The following CDH12 variants were observed in gnomAD, a reference collection of about 807,000 sequenced individuals.
CDH12 encodes the protein cadherin 12, also known as cadherin-12.
In CDH12, 41 loss-of-function variants were observed where a neutral mutation model predicts 74.1. The observed-to-expected ratio is 0.55, with a 90% CI of 0.43 to 0.72. CDH12 has a LOEUF of 0.72. Among genes scored for constraint, CDH12 ranks in the 30% least tolerant of loss-of-function variants. The pLI, the probability that CDH12 is intolerant of heterozygous loss-of-function variation, is 0.00. For missense variants in CDH12, 945 were observed against 977.2 expected (o/e 0.97, Z 0.44); for synonymous variants, 399 against 355.0 (o/e 1.12, Z -1.39).
intron 2 of CDH12, among the ~76,000 whole-genome samples, chr5:22,409,782 C>T (rs1338387793): frequency 6.6e-6 from 1 of 151,986 alleles, no homozygotes; most frequent in Non-Finnish European, 1.5e-5. Flanking sequence ...AGGCTAAAGC[C>T]TTCTTACCAC....
chr5:22,073,655 CT>C (rs1418064884), intron 5 of CDH12, among the ~76,000 whole-genome samples: 10 of 152,152 alleles, frequency 6.6e-5, no homozygotes, highest in Non-Finnish European at 1.3e-4. Context: ...AAAGCTTTAC[CT>C]CTGTATACCC....
chr5:22,649,325 G>A (rs1018579027), intron 1 of CDH12, among the ~76,000 whole-genome samples: 1 of 151,974 alleles, frequency 6.6e-6, no homozygotes, highest in Admixed American at 6.6e-5. Flanking sequence ...TGAAAACTTA[G>A]GTGACTTGCC....
At chr5:22,820,508 AAGAG>A (rs149541681) in intron 1 of CDH12, among the ~76,000 whole-genome samples, 1 of 152,172 alleles carries the variant, frequency 6.6e-6, no homozygotes, top group Non-Finnish European at 1.5e-5. Flanking sequence ...TAAAGAAGAA[AAGAG>A]AGAGAATCAA....
intron 6 of CDH12, among the ~76,000 whole-genome samples, chr5:21,913,176 ATGGATTCT>A (rs1753939630): frequency 1.3e-5 from 2 of 152,154 alleles, no homozygotes; most frequent in Non-Finnish European, 2.9e-5. Flanking sequence ...CTTAGGGAAG[ATGGATTCT>A]AGTTTCTATG....
intron 1 of CDH12, among the ~76,000 whole-genome samples, chr5:22,780,762 G>T (rs541115419): frequency 6.6e-6 from 1 of 152,118 alleles, no homozygotes; most frequent in Non-Finnish European, 1.5e-5. Flanking sequence ...GTGACAGAAT[G>T]AGACCCTGTT....
intron 4 of CDH12, among the ~76,000 whole-genome samples, chr5:22,110,466 TG>T (rs1219318019): frequency 6.9e-6 from 1 of 144,126 alleles, no homozygotes; most frequent in South Asian, 2.3e-4. Flanking sequence ...AAAGGTAATT[TG>T]GGGGAAGGGG....
At chr5:21,873,135 G>A (rs974722869) in intron 6 of CDH12, among the ~76,000 whole-genome samples, 5 of 151,956 alleles carry the variant, frequency 3.3e-5, no homozygotes, top group African/African-American at 1.2e-4. Flanking sequence ...TAATTTTAGT[G>A]GACAGTGTGG....
rs372922336 is a variant in CDH12 at position 22,668,764 on chromosome 5, G to T, written c.-522-163400C>A. Among the ~76,000 whole-genome samples, 116 of 152,266 alleles carry T rather than the reference G, an allele frequency of 7.6e-4. 3 individuals are homozygous for T. The Middle Eastern group carries it at 0.014, about 18-fold the overall frequency. ...ATAAGTTTCAACATGAGCTTTGAAA[G>T]GGACATTCAAATCATAGCAGCTGTG... On this transcript the variant is annotated intron_variant, in intron 1 of 14. Coordinates refer to ENST00000382254, the MANE Select transcript of CDH12 (RefSeq NM_004061.5).
chr5:22,479,626 C>T (rs1477827649), intron 2 of CDH12, among the ~76,000 whole-genome samples: 1 of 152,052 alleles, frequency 6.6e-6, no homozygotes, highest in Non-Finnish European at 1.5e-5. Context: ...TTGGACTAAT[C>T]GTAAACATTT....
chr5:22,025,560 T>C (rs1738291086), intron 5 of CDH12, among the ~76,000 whole-genome samples: 1 of 152,168 alleles, frequency 6.6e-6, no homozygotes, highest in Admixed American at 6.6e-5. Context: ...AGGGTGGTGG[T>C]TGCTGAAGGC....
intron 3 of CDH12, among the ~76,000 whole-genome samples, chr5:22,360,206 A>G (rs2150473283): frequency 6.6e-6 from 1 of 152,320 alleles, no homozygotes; most frequent in East Asian, 1.9e-4. Flanking sequence ...AGAAGAAAAA[A>G]GAGAAGAATC....
intron 3 of CDH12, among the ~76,000 whole-genome samples, chr5:22,386,585 T>TA (rs531716581): frequency 6.6e-5 from 10 of 151,882 alleles, no homozygotes; most frequent in Admixed American, 2.0e-4. Flanking sequence ...TATATGCCCA[T>TA]AAAAAAAATC....
intron 1 of CDH12, among the ~76,000 whole-genome samples, chr5:22,643,256 T>C (rs1739244554): frequency 6.6e-6 from 1 of 152,178 alleles, no homozygotes; most frequent in African/African-American, 2.4e-5. Context: ...TTGTTTGCTC[T>C]GGGTAGTCAG....
intron 3 of CDH12, among the ~76,000 whole-genome samples, chr5:22,385,069 T>G (rs965116281): frequency 2.0e-5 from 3 of 152,186 alleles, no homozygotes; most frequent in Non-Finnish European, 2.9e-5. Context: ...ATCCTTGGAA[T>G]GCTGCAAATC....
chr5:22,452,088 G>T (rs895001169), intron 2 of CDH12, among the ~76,000 whole-genome samples: 1 of 151,724 alleles, frequency 6.6e-6, no homozygotes, highest in African/African-American at 2.4e-5. Context: ...ACAAATAAAT[G>T]AAAATATCTT....
intron 4 of CDH12, among the ~76,000 whole-genome samples, chr5:22,122,009 G>T (rs1745543110): frequency 1.3e-5 from 2 of 151,994 alleles, no homozygotes; most frequent in South Asian, 4.2e-4. Context: ...GCCTGAATCT[G>T]ATCCCACATG....
intron 1 of CDH12, among the ~76,000 whole-genome samples, chr5:22,680,481 C>G (rs560225000): frequency 6.6e-6 from 1 of 151,756 alleles, no homozygotes; most frequent in Admixed American, 6.6e-5. Flanking sequence ...TATTTTATTC[C>G]ATTTAAGAGG....
At position 22,353,700 on chromosome 5, in the gene CDH12, T is replaced by C. The variant is rs574050294; in HGVS notation, c.-333+51557A>G. Among the ~76,000 whole-genome samples, 21 of 152,280 alleles carry C rather than the reference T, an allele frequency of 1.4e-4. No homozygotes were observed. The East Asian group carries it at 4.1e-3, about 29-fold the overall frequency. ...GCAAAAAGAAAGTCTCAGAAAAGTATACTCGAAAAGTTTGGTCATTATTTC... is the reference window on the plus strand; with the variant it reads ...GCAAAAAGAAAGTCTCAGAAAAGTACACTCGAAAAGTTTGGTCATTATTTC... On this transcript the variant is annotated intron_variant, in intron 3 of 14. Coordinates refer to ENST00000382254, the MANE Select transcript of CDH12 (RefSeq NM_004061.5).
chr5:22,835,607 T>C (rs1397296457), intron 1 of CDH12, among the ~76,000 whole-genome samples: 1 of 152,338 alleles, frequency 6.6e-6, no homozygotes, highest in East Asian at 1.9e-4. Flanking sequence ...CTTAGAATTT[T>C]TCTATGGTAT....
Sources: allele counts gnomAD v4.1 joint callset (sites outside exome capture counted in the v4.1 genomes callset), GRCh38; gene constraint gnomAD v4.1.1; transcripts MANE v1.5; gene names NCBI Gene and HGNC (gene_info 2026-07-23, HGNC 2026-07-21).